The following SEMA3C variants were observed in gnomAD, a reference collection of about 807,000 sequenced individuals.
The protein encoded by SEMA3C is semaphorin-3C.
A neutral mutation model predicts 89.4 loss-of-function variants in SEMA3C; 47 were observed. The ratio of observed to expected loss-of-function variants is 0.53; its 90% confidence interval spans 0.42 to 0.67. The LOEUF is 0.67. Ranked by LOEUF, SEMA3C falls within the 30% of genes least tolerant of loss-of-function variation. The pLI, the probability that SEMA3C is intolerant of heterozygous loss-of-function variation, is 0.00. For synonymous variants in SEMA3C, 310 were observed against 320.2 expected (o/e 0.97, Z 0.34); for missense variants, 839 against 929.1 (o/e 0.90, Z 1.26).
At chr7:80,851,841 G>T (rs1046487240) in intron 2 of SEMA3C, among the ~76,000 whole-genome samples, 2 of 152,008 alleles carry the variant, frequency 1.3e-5, no homozygotes, top group Non-Finnish European at 2.9e-5. Context: ...AAATATACCT[G>T]CCTAAAATGT....
chr7:80,800,791 T>C lies in SEMA3C; in HGVS notation c.952A>G (p.Thr318Ala), dbSNP rs1404180679. 1 of 1,519,042 alleles carries C rather than the reference T, an allele frequency of 6.6e-7. No homozygotes were observed. 94.1% of individuals were successfully genotyped at this position (1,519,042 alleles called of 1,614,324 possible). A position where few individuals can be genotyped will look rare whatever the true frequency, so the allele number is the denominator to read the frequency against. ...GTAAAAATGCCATACACTAGTGTTG[T>C]CCTCGGGTTATCAGTTTCCAGCAGA... ...VFLLETDNPR[T>A]TLVYGIFTTS... Residue 318 changes from threonine (T) to alanine (A), a missense_variant, in exon 10 of 18, where the codon ACA (threonine) becomes GCA (alanine). Coordinates refer to ENST00000265361, the MANE Select transcript of SEMA3C (RefSeq NM_006379.5).
intron 2 of SEMA3C, among the ~76,000 whole-genome samples, chr7:80,869,505 C>G (rs1247750827): frequency 3.9e-5 from 6 of 152,084 alleles, no homozygotes; most frequent in Admixed American, 3.3e-4. Context: ...TTCTTACATT[C>G]TTCTTTGCTT....
chr7:80,819,652 T>C (rs539747186), intron 4 of SEMA3C, among the ~76,000 whole-genome samples: 1 of 152,322 alleles, frequency 6.6e-6, no homozygotes, highest in Admixed American at 6.5e-5. Context: ...TCTTCTCTTG[T>C]AGAAACTCCT....
chr7:80,745,754 C>T (rs1787786211), intron 17 of SEMA3C, among the ~76,000 whole-genome samples: 1 of 151,832 alleles, frequency 6.6e-6, no homozygotes, highest in South Asian at 2.1e-4. Context: ...CATGAAGCCA[C>T]AATTAAAGGG....
chr7:80,919,197 AG>A, upstream of SEMA3C: 1 of 985,048 alleles, frequency 1.0e-6, no homozygotes, highest in Non-Finnish European at 1.2e-6. Flanking sequence ...GCCAGCCGCG[AG>A]GCCCCACCCC....
At chr7:80,793,846 G>A (rs142672044) in intron 11 of SEMA3C, among the ~76,000 whole-genome samples, 126 of 151,820 alleles carry the variant, frequency 8.3e-4, no homozygotes, top group South Asian at 3.5e-3. Context: ...TGACTAGCAC[G>A]GTCGAGGGGA....
intron 2 of SEMA3C, among the ~76,000 whole-genome samples, chr7:80,872,945 A>C (rs1293693808): frequency 4.0e-5 from 6 of 149,976 alleles, no homozygotes; most frequent in East Asian, 2.0e-4. Context: ...AAAAAAAAAG[A>C]AAGCCACATC....
At chr7:80,919,446 A>T, upstream of SEMA3C, 11 of 898,976 alleles carry the variant, frequency 1.2e-5, no homozygotes, top group Non-Finnish European at 1.5e-5. Context: ...CGTAAATATC[A>T]AAGTGCAAAG....
intron 2 of SEMA3C, among the ~76,000 whole-genome samples, chr7:80,845,314 A>G (rs1232862481): frequency 1.3e-5 from 2 of 152,034 alleles, no homozygotes; most frequent in African/African-American, 2.4e-5. Flanking sequence ...TTTTTTTGAA[A>G]CGTGCATTTC....
chr7:80,782,014 T>A (rs1196236646), intron 12 of SEMA3C, among the ~76,000 whole-genome samples: 8 of 152,138 alleles, frequency 5.3e-5, no homozygotes, highest in Admixed American at 5.2e-4. Context: ...CCAAAGAGTT[T>A]GATGGGTGTT....
rs763742493 is a variant in SEMA3C, at chr7:80,882,412, C to CTTT, written c.103+34264_103+34266dup. The stretch of plus-strand genomic sequence containing the variant: ...TACATTCTGGAATTTGTAAGGGATG[C>CTTT]TTTTTTTTTTTTTTTTTTTTTTTTT... On this transcript the variant is annotated intron_variant, in intron 2 of 17. Coordinates refer to ENST00000265361, the MANE Select transcript of SEMA3C (RefSeq NM_006379.5). Among the ~76,000 whole-genome samples the CTTT allele has an allele frequency of 3.0e-3, 138 of 46,642 alleles. 6 individuals carry two copies. Among genetic ancestry groups the CTTT allele is most frequent in the Middle Eastern group, 0.018 (1 of 56 alleles). The allele number at this position is 46,642 out of a possible 152,430, so 30.6% of individuals were successfully genotyped here.
chr7:80,839,180 C>T (rs1417446060), intron 2 of SEMA3C, among the ~76,000 whole-genome samples: 3 of 152,138 alleles, frequency 2.0e-5, no homozygotes, highest in Non-Finnish European at 4.4e-5. Flanking sequence ...TATCACTAAT[C>T]TATATAAGGA....
At chr7:80,904,945 T>C (rs1791969743) in intron 2 of SEMA3C, among the ~76,000 whole-genome samples, 1 of 152,022 alleles carries the variant, frequency 6.6e-6, no homozygotes, top group Admixed American at 6.6e-5. Context: ...ACAGTTTCTT[T>C]TTCCTGAATT....
chr7:80,764,010 A>G lies in SEMA3C; in HGVS notation c.1443+1145T>C, dbSNP rs375693171. 2.0e-5 allele frequency among the ~76,000 whole-genome samples: 3 copies of G among 152,344 alleles called. No individual in the cohort carries two copies. In the East Asian group the frequency reaches 5.8e-4, roughly 29 times the overall value. On this transcript the variant is annotated intron_variant, in intron 13 of 17. Transcript: ENST00000265361. ...TTAATAATATAGTAGGAAACTTGCCAGAGTTCCTCAAATTTATTTGATTCT... is the reference window on the plus strand; with the variant it reads ...TTAATAATATAGTAGGAAACTTGCCGGAGTTCCTCAAATTTATTTGATTCT...
chr7:80,781,638 T>C (rs1206674572), intron 12 of SEMA3C, among the ~76,000 whole-genome samples: 1 of 152,140 alleles, frequency 6.6e-6, no homozygotes, highest in Non-Finnish European at 1.5e-5. Flanking sequence ...TTCTTCTCCT[T>C]GGGACAAAGC....
chr7:80,800,039 G>A (rs1789163160), intron 10 of SEMA3C, among the ~76,000 whole-genome samples: 1 of 150,790 alleles, frequency 6.6e-6, no homozygotes, highest in Non-Finnish European at 1.5e-5. Flanking sequence ...TGTAGTCCCA[G>A]CTACTTGGGA....
At chr7:80,793,845 C>T (rs938214035) in intron 11 of SEMA3C, among the ~76,000 whole-genome samples, 5 of 151,226 alleles carry the variant, frequency 3.3e-5, no homozygotes, top group Non-Finnish European at 7.4e-5. Context: ...GTGACTAGCA[C>T]GGTCGAGGGG....
intron 12 of SEMA3C, among the ~76,000 whole-genome samples, chr7:80,777,769 G>T (rs2117085954): frequency 1.3e-5 from 2 of 152,294 alleles, no homozygotes; most frequent in Admixed American, 1.3e-4. Flanking sequence ...TAAACCTTTA[G>T]GCAGGTTAAT....
At chr7:80,747,326 T>C (rs1005744926) in intron 17 of SEMA3C, among the ~76,000 whole-genome samples, 3 of 152,158 alleles carry the variant, frequency 2.0e-5, no homozygotes, top group African/African-American at 7.2e-5. Flanking sequence ...TTAATTTATA[T>C]GGCAGATATT....
Sources: allele counts gnomAD v4.1 joint callset (sites outside exome capture counted in the v4.1 genomes callset), GRCh38; gene constraint gnomAD v4.1.1; transcripts MANE v1.5; gene names NCBI Gene and HGNC (gene_info 2026-07-23, HGNC 2026-07-21).